The following SCAPER variants were observed in gnomAD, a reference collection of about 807,000 sequenced individuals.
SCAPER encodes S-phase cyclin A associated protein in the ER, also known as S phase cyclin A-associated protein in the endoplasmic reticulum.
A neutral mutation model predicts 182.2 loss-of-function variants in SCAPER; 98 were observed. The ratio of observed to expected loss-of-function variants is 0.54; its 90% confidence interval spans 0.46 to 0.64. The LOEUF (loss-of-function observed/expected upper bound fraction) is 0.64, where lower values mean the gene tolerates loss of function less well. Among genes scored for constraint, SCAPER ranks in the 30% least tolerant of loss-of-function variants. SCAPER has a pLI of 0.00. For synonymous variants in SCAPER, 605 were observed against 564.6 expected (o/e 1.07, Z -1.01); for missense variants, 1,432 against 1,690.0 (o/e 0.85, Z 2.68).
At chr15:76,410,537 CA>C (rs1280443164) in intron 26 of SCAPER, among the ~76,000 whole-genome samples, 1 of 152,124 alleles carries the variant, frequency 6.6e-6, no homozygotes. Flanking sequence ...AGACAAGGCC[CA>C]AGGCTGAGGT....
In SCAPER at chr15:76,604,459, G is replaced by T. The variant is rs532388607; in HGVS notation, c.2711+17305C>A. On this transcript the variant is annotated intron_variant, in intron 22 of 31. Coordinates refer to ENST00000563290, the MANE Select transcript of SCAPER (RefSeq NM_020843.4). ...AGTATAGTTTGAAGTCAGGTAAGCG[G>T]GATGCCTCCAGCTTCGTTCTTTTGC... Among the ~76,000 whole-genome samples the T allele has an allele frequency of 1.0e-4, 12 of 120,114 alleles. 3 individuals carry two copies. The East Asian group carries it at 1.6e-3, about 16-fold the overall frequency. 78.8% of individuals were successfully genotyped at this position (120,114 alleles called of 152,430 possible).
intron 30 of SCAPER, among the ~76,000 whole-genome samples, chr15:76,351,645 T>TAA (rs2040557424): frequency 6.6e-6 from 1 of 152,230 alleles, no homozygotes; most frequent in Non-Finnish European, 1.5e-5. Flanking sequence ...CAGCTAAATC[T>TAA]TAAAGTCTGG....
At chr15:76,687,013 G>T (rs970621056) in intron 20 of SCAPER, among the ~76,000 whole-genome samples, 1 of 151,992 alleles carries the variant, frequency 6.6e-6, no homozygotes, top group African/African-American at 2.4e-5. Context: ...ATAGGAAAGA[G>T]GAATGCTTCA....
intron 7 of SCAPER, 144 bp from the exon 8 acceptor site, chr15:76,795,584 CTATATT>C: frequency 1.9e-6 from 1 of 537,386 alleles, no homozygotes; most frequent in Non-Finnish European, 2.9e-6. Context: ...TTTAAGGTAA[CTATATT>C]TATAAATTTA....
At chr15:76,647,260 G>A (rs192190547) in intron 21 of SCAPER, among the ~76,000 whole-genome samples, 3 of 152,298 alleles carry the variant, frequency 2.0e-5, no homozygotes, top group Admixed American at 6.5e-5. Flanking sequence ...GAAAAGAGAC[G>A]GTTGAAGTGG....
chr15:76,850,270 AC>A, intron 4 of SCAPER, among the ~76,000 whole-genome samples: 1 of 152,322 alleles, frequency 6.6e-6, no homozygotes, highest in African/African-American at 2.4e-5. Flanking sequence ...TTTTTAGCAC[AC>A]TACAGCCACC....
At chr15:76,467,053 A>G (rs1260402988) in intron 25 of SCAPER, among the ~76,000 whole-genome samples, 2 of 151,924 alleles carry the variant, frequency 1.3e-5, no homozygotes, top group East Asian at 3.9e-4. Context: ...AGTGTGTAGC[A>G]TCTCCTCCTT....
intron 23 of SCAPER, among the ~76,000 whole-genome samples, chr15:76,530,992 C>T (rs1425677001): frequency 2.7e-5 from 4 of 150,046 alleles, no homozygotes; most frequent in Non-Finnish European, 5.9e-5. Flanking sequence ...TGAATATACA[C>T]GTGTATATAT....
chr15:76,609,363 C>T (rs1421394246), intron 22 of SCAPER, among the ~76,000 whole-genome samples: 1 of 151,524 alleles, frequency 6.6e-6, no homozygotes, highest in East Asian at 1.9e-4. Context: ...GTGGCGTGTG[C>T]CTGTAGTCCT....
chr15:76,656,253 G>A lies in SCAPER; in HGVS notation c.2645+9400C>T, dbSNP rs1051550203. 7.9e-5 allele frequency among the ~76,000 whole-genome samples: 12 copies of A among 152,094 alleles called. No individual in the cohort carries two copies. In the South Asian group the frequency reaches 1.0e-3, roughly 13 times the overall value. Reference sequence around the variant, plus strand: ...ACAGAAAAAAGCAGGGGTTGCTACCGTAATTCCAGAAAAAAATAGAATTTA... The same window carrying A: ...ACAGAAAAAAGCAGGGGTTGCTACCATAATTCCAGAAAAAAATAGAATTTA... On this transcript the variant is annotated intron_variant, in intron 21 of 31. Coordinates refer to ENST00000563290, the MANE Select transcript of SCAPER (RefSeq NM_020843.4).
chr15:76,664,679 G>A (rs1194810092), intron 21 of SCAPER, among the ~76,000 whole-genome samples: 1 of 152,036 alleles, frequency 6.6e-6, no homozygotes, highest in African/African-American at 2.4e-5. Flanking sequence ...AGTATCAAGA[G>A]GTCTGCAAGT....
chr15:76,878,974 C>T (rs1282102682), intron 2 of SCAPER, among the ~76,000 whole-genome samples: 1 of 152,170 alleles, frequency 6.6e-6, no homozygotes, highest in Non-Finnish European at 1.5e-5. Flanking sequence ...AATGATTATA[C>T]TGTGTACTGG....
At chr15:76,362,350 C>T (rs536905540) in intron 29 of SCAPER, among the ~76,000 whole-genome samples, 68 of 151,760 alleles carry the variant, frequency 4.5e-4, no homozygotes, top group African/African-American at 1.5e-3. Flanking sequence ...CCTGACCATA[C>T]CAAACCATGA....
intron 27 of SCAPER, among the ~76,000 whole-genome samples, chr15:76,387,814 T>C (rs1294552743): frequency 6.6e-6 from 1 of 152,172 alleles, no homozygotes. Context: ...TATTTTTAGA[T>C]CATAAAAACT....
intron 23 of SCAPER, among the ~76,000 whole-genome samples, chr15:76,557,395 T>C (rs1410868144): frequency 6.6e-6 from 1 of 152,204 alleles, no homozygotes; most frequent in Non-Finnish European, 1.5e-5. Flanking sequence ...AGTTTGGCTC[T>C]GTGTCTCCAC....
chr15:76,679,569 T>C (rs1437142469), intron 20 of SCAPER, among the ~76,000 whole-genome samples: 2 of 152,248 alleles, frequency 1.3e-5, no homozygotes, highest in Non-Finnish European at 2.9e-5. Flanking sequence ...ATGTAGGATA[T>C]ACTTATATTT....
intron 18 of SCAPER, among the ~76,000 whole-genome samples, chr15:76,705,599 AC>A (rs1340412902): frequency 5.9e-5 from 9 of 152,086 alleles, no homozygotes; most frequent in Admixed American, 2.0e-4. Context: ...TTAAAAAAAA[AC>A]AATGTAAATA....
chr15:76,848,292 G>GC (rs1056016839), intron 4 of SCAPER, among the ~76,000 whole-genome samples: 3 of 149,522 alleles, frequency 2.0e-5, no homozygotes, highest in African/African-American at 7.4e-5. Context: ...GAGCCACCGC[G>GC]CCTGGCCTAA....
chr15:76,659,915 T>A (rs1174374960), intron 21 of SCAPER, among the ~76,000 whole-genome samples: 1 of 152,196 alleles, frequency 6.6e-6, no homozygotes, highest in African/African-American at 2.4e-5. Context: ...GGAATATAAA[T>A]CTTTCTACCA....
Sources: allele counts gnomAD v4.1 joint callset (sites outside exome capture counted in the v4.1 genomes callset), GRCh38; gene constraint gnomAD v4.1.1; transcripts MANE v1.5; gene names NCBI Gene and HGNC (gene_info 2026-07-23, HGNC 2026-07-21).